The following ATXN3 variants were observed in gnomAD, a reference collection of about 807,000 sequenced individuals.
ATXN3 encodes the protein ataxin-3.
ATXN3 carries 28 observed loss-of-function variants against 58.2 expected under a neutral mutation model. The observed-to-expected ratio is 0.48, with a 90% CI of 0.36 to 0.66. The LOEUF (loss-of-function observed/expected upper bound fraction) is 0.66, where lower values mean the gene tolerates loss of function less well. Among genes scored for constraint, ATXN3 ranks in the 30% least tolerant of loss-of-function variants. The pLI is 0.00. For synonymous variants in ATXN3, 113 were observed against 138.5 expected, an observed-to-expected ratio of 0.82 and a Z score of 1.29; for missense variants, 321 against 422.1, an observed-to-expected ratio of 0.76 and a Z score of 2.10.
At chr14:92,071,224 A>C in intron 9 of ATXN3, 171 bp from the exon 10 acceptor site, 1 of 1,054,072 alleles carries the variant, frequency 9.5e-7, no homozygotes, top group Non-Finnish European at 1.4e-6. Context: ...TAAAATATGG[A>C]AGTGCTGATC....
At chr14:92,080,844 G>C (rs1022897868) in intron 9 of ATXN3, 121 bp downstream of exon 9, 53 of 917,692 alleles carry the variant, frequency 5.8e-5, no homozygotes, top group Non-Finnish European at 8.9e-5. Flanking sequence ...CCTATTTGCT[G>C]TAAATTTTTA....
chr14:92,075,198 CTT>C (rs1249549979), intron 9 of ATXN3, among the ~76,000 whole-genome samples: 52 of 120,524 alleles, frequency 4.3e-4, no homozygotes, highest in African/African-American at 1.5e-3. Context: ...GAGTCTTGCT[CTT>C]GTCGCCTAGG....
chr14:92,092,425 T>C (rs1219760542), intron 5 of ATXN3, among the ~76,000 whole-genome samples: 4 of 152,252 alleles, frequency 2.6e-5, no homozygotes, highest in Admixed American at 2.6e-4. Flanking sequence ...TCATGTTTTA[T>C]TTAAAAAATA....
In ATXN3 at chr14:92,082,370, T is replaced by C. The variant is rs2061616863; in HGVS notation, c.705A>G (p.Leu235=). The C allele has an allele frequency of 6.2e-7, 1 of 1,614,192 alleles. No individual in the cohort carries two copies. The highest frequency in any genetic ancestry group is 2.2e-5 in the East Asian group (1 of 44,884). ...CTTCCATGTCAATTTCTTGGCGACT[T>C]AGTGCCAGAGCCCTCTGCAAATCCT... ...DEEDLQRALA[L]SRQEIDMEDE... The change falls in exon 8 of 11, where the codon CTA becomes CTG. Residue 235 remains leucine (L), a synonymous_variant. Coordinates refer to ENST00000644486, the MANE Select transcript of ATXN3 (RefSeq NM_004993.6).
At chr14:92,102,323 G>T (rs77303789) in intron 1 of ATXN3, among the ~76,000 whole-genome samples, 1,844 of 151,898 alleles carry the variant, frequency 0.012, 29 homozygotes, top group East Asian at 0.075. Context: ...AAAAATAAAA[G>T]AAATTCTATG....
intron 6 of ATXN3, among the ~76,000 whole-genome samples, chr14:92,088,452 C>A (rs1241721060): frequency 1.1e-4 from 17 of 152,126 alleles, no homozygotes; most frequent in Admixed American, 1.1e-3. Context: ...AAACATCTAT[C>A]CCTCCTCTCA....
At chr14:92,051,424 G>A (rs2057447293), upstream of ATXN3, among the ~76,000 whole-genome samples, 2 of 152,012 alleles carry the variant, frequency 1.3e-5, no homozygotes, top group African/African-American at 2.4e-5. Flanking sequence ...GGCTCAGTTC[G>A]CTCTACCCAG....
downstream of ATXN3, among the ~76,000 whole-genome samples, chr14:92,053,819 T>C (rs920118155): frequency 1.3e-5 from 2 of 152,054 alleles, no homozygotes; most frequent in Admixed American, 1.3e-4. Context: ...TTCTGATTGC[T>C]GGGCTGCAAC....
rs976935141 is a variant in ATXN3 at position 92,059,050 on chromosome 14, C to A, written c.*5270G>T. Reference sequence around the variant, plus strand: ...ATCAGGAATATCCATTTATATTTTACTAATGTTTCTCATTGCTTTGTCTAT... The same window carrying A: ...ATCAGGAATATCCATTTATATTTTAATAATGTTTCTCATTGCTTTGTCTAT... On this transcript the variant is annotated 3_prime_UTR_variant, in exon 11 of 11. Transcript: ENST00000644486. The A allele has an allele frequency of 6.6e-6, 1 of 151,720 alleles. No individual in the cohort carries two copies. Among genetic ancestry groups the A allele is most frequent in the Non-Finnish European group, 1.5e-5 (1 of 67,978 alleles). The allele number at this position is 151,720 out of a possible 1,614,324, so 9.4% of individuals were successfully genotyped here.
At chr14:92,075,717 TAG>T (rs1287730757) in intron 9 of ATXN3, among the ~76,000 whole-genome samples, 1 of 152,174 alleles carries the variant, frequency 6.6e-6, no homozygotes, top group Non-Finnish European at 1.5e-5. Flanking sequence ...AGACAGAACC[TAG>T]AGAGACAACG....
chr14:92,068,351 G>GA (rs1204622871), intron 10 of ATXN3, among the ~76,000 whole-genome samples: 1 of 152,162 alleles, frequency 6.6e-6, no homozygotes, highest in African/African-American at 2.4e-5. Context: ...TGTTTTGTTT[G>GA]ACTGGAGTCA....
chr14:92,096,270 C>T, intron 2 of ATXN3, 133 bp from the exon 3 acceptor site: 3 of 1,566,996 alleles, frequency 1.9e-6, no homozygotes, highest in Admixed American at 1.8e-5. Flanking sequence ...AGTTATAATT[C>T]ACCAGTCAGA....
chr14:92,053,967 G>A (rs943340986), downstream of ATXN3, among the ~76,000 whole-genome samples: 27 of 150,828 alleles, frequency 1.8e-4, no homozygotes, highest in African/African-American at 6.6e-4. Flanking sequence ...ACGGAGTCTT[G>A]CTCTGTCATC....
In ATXN3 at chr14:92,063,352, T is replaced by C. The variant is rs2057910824; in HGVS notation, c.*968A>G. 1 of 152,134 alleles carries C rather than the reference T, an allele frequency of 6.6e-6. No individual in the cohort carries two copies. Among genetic ancestry groups the C allele is most frequent in the South Asian group, 2.1e-4 (1 of 4,830 alleles). The allele number at this position is 152,134 out of a possible 1,614,324, so 9.4% of individuals were successfully genotyped here. ...AGGAGAAAAAATAAAATAAAACTGCTATTAAAATTGAAGGCCAAATTTCAT... is the reference window on the plus strand; with the variant it reads ...AGGAGAAAAAATAAAATAAAACTGCCATTAAAATTGAAGGCCAAATTTCAT... On this transcript the variant is annotated 3_prime_UTR_variant, in exon 11 of 11. Transcript: ENST00000644486.
chr14:92,104,721 G>A (rs992122258), intron 1 of ATXN3, among the ~76,000 whole-genome samples: 1 of 151,606 alleles, frequency 6.6e-6, no homozygotes, highest in African/African-American at 2.4e-5. Context: ...TCAGGAGTTG[G>A]AGACCAGCCT....
At chr14:92,048,795 A>G (rs745505684) in intron 1 of ATXN3, among the ~76,000 whole-genome samples, 12 of 151,956 alleles carry the variant, frequency 7.9e-5, no homozygotes, top group Non-Finnish European at 1.6e-4. Context: ...CCTGGTGAGG[A>G]GCAGCCTGGG....
chr14:92,056,752 G>A (rs1229900864), downstream of ATXN3, among the ~76,000 whole-genome samples: 1 of 152,136 alleles, frequency 6.6e-6, no homozygotes, highest in African/African-American at 2.4e-5. Flanking sequence ...TTAGGATTAA[G>A]GGTTTTCTTA....
At chr14:92,088,665 C>T (rs1452391088) in intron 6 of ATXN3, 65 bp downstream of exon 6, 1 of 1,147,330 alleles carries the variant, frequency 8.7e-7, no homozygotes, top group Non-Finnish European at 1.3e-6. Context: ...ACACTGTCAT[C>T]TAATGTGCCT....
chr14:92,104,448 G>A (rs886539222), intron 1 of ATXN3, among the ~76,000 whole-genome samples: 2 of 152,098 alleles, frequency 1.3e-5, no homozygotes, highest in Non-Finnish European at 2.9e-5. Context: ...GATTTCTTTC[G>A]GGTAAGTAGA....
Sources: gnomAD v4.1 joint callset for allele counts (sites outside exome capture counted in the v4.1 genomes callset) on GRCh38, gnomAD v4.1.1 for gene constraint, MANE v1.5 for transcripts, NCBI Gene and HGNC (gene_info 2026-07-23, HGNC 2026-07-21) for gene names.